RIMS4: variants seen among roughly 807,000 people sequenced by gnomAD.
The protein encoded by RIMS4 is regulating synaptic membrane exocytosis 4, also known as regulating synaptic membrane exocytosis protein 4.
In RIMS4, 9 loss-of-function variants were observed where a neutral mutation model predicts 29.0. The observed-to-expected ratio is 0.31, with a 90% confidence interval of 0.19 to 0.54. RIMS4 has a LOEUF of 0.54. Among genes scored for constraint, RIMS4 ranks in the 20% least tolerant of loss-of-function variants. The probability of loss-of-function intolerance (pLI) is 0.94; values close to 1 mark genes in which losing one functional copy is unlikely to be tolerated. For missense variants in RIMS4, 193 were observed against 365.7 expected (o/e 0.53, Z 3.85); for synonymous variants, 130 against 152.9 (o/e 0.85, Z 1.10).
intron 1 of RIMS4, among the ~76,000 whole-genome samples, chr20:44,786,741 C>G (rs1266772879): frequency 1.3e-5 from 2 of 152,182 alleles, no homozygotes; most frequent in South Asian, 2.1e-4. Context: ...AAGGCCTAAG[C>G]TGGCAGAAAG....
chr20:44,782,832 C>T (rs1039632056), intron 1 of RIMS4, among the ~76,000 whole-genome samples: 14 of 152,338 alleles, frequency 9.2e-5, no homozygotes, highest in African/African-American at 3.4e-4. Context: ...AGGAAGCTCC[C>T]TCCTCTCCAC....
At chr20:44,764,959 C>A (rs994500493) in intron 2 of RIMS4, among the ~76,000 whole-genome samples, 1 of 152,108 alleles carries the variant, frequency 6.6e-6, no homozygotes, top group Non-Finnish European at 1.5e-5. Context: ...GGGTGCAAAG[C>A]CAAGGATTTA....
intron 1 of RIMS4, among the ~76,000 whole-genome samples, chr20:44,794,109 C>A (rs953896904): frequency 6.6e-6 from 1 of 152,174 alleles, no homozygotes; most frequent in African/African-American, 2.4e-5. Context: ...CCAATTCTAC[C>A]GCCAGCCAGG....
chr20:44,800,630 C>T (rs2066273825), intron 1 of RIMS4, among the ~76,000 whole-genome samples: 1 of 151,952 alleles, frequency 6.6e-6, no homozygotes, highest in Non-Finnish European at 1.5e-5. Flanking sequence ...TAGGGGCTAC[C>T]GCAGAGTCAG....
intron 2 of RIMS4, among the ~76,000 whole-genome samples, chr20:44,769,098 A>T (rs2066125941): frequency 6.6e-6 from 1 of 152,174 alleles, no homozygotes; most frequent in Non-Finnish European, 1.5e-5. Context: ...TGAACCACAT[A>T]CCAGGGCAGT....
intron 1 of RIMS4, among the ~76,000 whole-genome samples, chr20:44,800,689 T>C (rs952325532): frequency 5.9e-5 from 9 of 151,988 alleles, no homozygotes; most frequent in Admixed American, 4.6e-4. Context: ...TCCTACCTTC[T>C]CTGGGAGACT....
chr20:44,798,446 G>A (rs2066264049), intron 1 of RIMS4, among the ~76,000 whole-genome samples: 1 of 152,172 alleles, frequency 6.6e-6, no homozygotes, highest in Admixed American at 6.5e-5. Flanking sequence ...GACCTGAAAC[G>A]AGGGTTGGAC....
intron 1 of RIMS4, among the ~76,000 whole-genome samples, chr20:44,794,571 T>A (rs889560202): frequency 1.3e-5 from 2 of 152,256 alleles, no homozygotes; most frequent in African/African-American, 4.8e-5. Context: ...TGGTTCTTAT[T>A]CACTGCTGGA....
intron 4 of RIMS4, 137 bp downstream of exon 4, chr20:44,757,533 T>G (rs1311055767): frequency 1.5e-6 from 1 of 685,826 alleles, no homozygotes; most frequent in Non-Finnish European, 2.6e-6. Flanking sequence ...AACTACCAAT[T>G]CCACATAAGA....
At chr20:44,758,025 A>T in intron 3 of RIMS4, 47 bp downstream of exon 3, 1 of 1,368,458 alleles carries the variant, frequency 7.3e-7, no homozygotes, top group Non-Finnish European at 1.0e-6. Flanking sequence ...TTCTGGTGTG[A>T]CACCCAACTC....
At chr20:44,807,656 G>A (rs1056584437) in intron 1 of RIMS4, among the ~76,000 whole-genome samples, 2 of 152,180 alleles carry the variant, frequency 1.3e-5, no homozygotes, top group African/African-American at 4.8e-5. Flanking sequence ...TTAGAAATCA[G>A]TTCAGTGCAG....
chr20:44,769,135 C>G (rs2066126066), intron 2 of RIMS4, among the ~76,000 whole-genome samples: 1 of 152,188 alleles, frequency 6.6e-6, no homozygotes, highest in Non-Finnish European at 1.5e-5. Context: ...GGCTTTGAAC[C>G]TGTCTGTAAT....
At chr20:44,777,061 C>T (rs957920424) in intron 1 of RIMS4, among the ~76,000 whole-genome samples, 3 of 152,182 alleles carry the variant, frequency 2.0e-5, no homozygotes, top group African/African-American at 4.8e-5. Context: ...CCTTGAGTCC[C>T]GGGGCACTTC....
At chr20:44,778,811 C>T (rs1172632655) in intron 1 of RIMS4, among the ~76,000 whole-genome samples, 4 of 152,166 alleles carry the variant, frequency 2.6e-5, no homozygotes, top group African/African-American at 7.2e-5. Flanking sequence ...GGTTGTAAAC[C>T]TGGCCCCAGT....
At chr20:44,762,211 G>A (rs1036824294) in intron 2 of RIMS4, among the ~76,000 whole-genome samples, 3 of 152,162 alleles carry the variant, frequency 2.0e-5, no homozygotes, top group Non-Finnish European at 4.4e-5. Flanking sequence ...GAGCTCAGGC[G>A]GTAACGCTCG....
In RIMS4 at chr20:44,775,342, T is replaced by C. The variant is rs373359447; in HGVS notation, c.98-3929A>G. On this transcript the variant is annotated intron_variant, in intron 1 of 5. Coordinates refer to ENST00000372851, the MANE Select transcript of RIMS4 (RefSeq NM_182970.4). The stretch of plus-strand genomic sequence containing the variant: ...ACTGTAGCATGCTATGTGCTGTGGC[T>C]TCCCACAGCCAGTACCTGGCACCTT... 2.9e-3 allele frequency among the ~76,000 whole-genome samples: 434 copies of C among 152,278 alleles called. 4 individuals carry two copies. The highest frequency in any genetic ancestry group is 1.0e-2 in the African/African-American group (415 of 41,552).
rs1568895440 is a variant in RIMS4 at position 44,764,047 on chromosome 20, TATCCATCCATCCATCCATTTATCC to T, written c.237-5887_237-5864del. On this transcript the variant is annotated intron_variant, in intron 2 of 5. Transcript: ENST00000372851. Reference sequence around the variant, plus strand: ...CCATTTATCCATCCATCCATCCATTTATCCATCCATCCATCCATTTATCCATCCATCCATCCATCCATCCACCCA... The same window carrying T: ...CCATTTATCCATCCATCCATCCATTTATCCATCCATCCATCCATCCACCCA... 7.8e-5 allele frequency among the ~76,000 whole-genome samples: 6 copies of T among 77,338 alleles called. No homozygotes were observed. In the South Asian group the frequency reaches 3.1e-3, roughly 40 times the overall value. 50.7% of individuals were successfully genotyped at this position (77,338 alleles called of 152,430 possible).
intron 1 of RIMS4, among the ~76,000 whole-genome samples, chr20:44,802,527 C>G (rs1035913876): frequency 3.3e-5 from 5 of 152,266 alleles, no homozygotes; most frequent in Non-Finnish European, 7.4e-5. Context: ...CAGTCTGGGT[C>G]AGGTGAGATT....
chr20:44,807,956 G>C (rs1419663476), intron 1 of RIMS4, among the ~76,000 whole-genome samples: 1 of 152,026 alleles, frequency 6.6e-6, no homozygotes, highest in Non-Finnish European at 1.5e-5. Context: ...GTAAGGTCTG[G>C]ATTTCTTAAA....
Sources: allele counts gnomAD v4.1 joint callset (sites outside exome capture counted in the v4.1 genomes callset), GRCh38; gene constraint gnomAD v4.1.1; transcripts MANE v1.5; gene names NCBI Gene and HGNC (gene_info 2026-07-23, HGNC 2026-07-21).